Variants in HYCC1 observed in about 807,000 individuals in gnomAD.
The protein encoded by HYCC1 is hyccin.
At chr7:22,965,342 A>C in the HYCC1 span, among the ~76,000 whole-genome samples, 1 of 151,888 alleles carries the variant, frequency 6.6e-6, no homozygotes, top group Non-Finnish European at 1.5e-5. Flanking sequence ...AAAACCACAA[A>C]GGAAATAAAA....
chr7:23,002,738 G>A, the HYCC1 span, among the ~76,000 whole-genome samples: 2 of 152,158 alleles, frequency 1.3e-5, no homozygotes, highest in Admixed American at 6.5e-5. Flanking sequence ...CTACATCCAA[G>A]TATAAAAGCC....
At chr7:22,960,200 T>A in the HYCC1 span, 3 of 1,545,896 alleles carry the variant, frequency 1.9e-6, no homozygotes, top group Non-Finnish European at 1.8e-6. Flanking sequence ...ATAAGTACAG[T>A]GAAAAATGTA....
the HYCC1 span, among the ~76,000 whole-genome samples, chr7:22,995,387 A>C: frequency 6.6e-6 from 1 of 152,122 alleles, no homozygotes; most frequent in Admixed American, 6.6e-5. Context: ...AATTCCTAGA[A>C]GTCTTAATTC....
At chr7:22,980,937 A>C in the HYCC1 span, among the ~76,000 whole-genome samples, 1 of 152,180 alleles carries the variant, frequency 6.6e-6, no homozygotes, top group Non-Finnish European at 1.5e-5. Flanking sequence ...CCTCTTTATA[A>C]GTTTCTTGAA....
At chr7:23,005,747 T>C in the HYCC1 span, among the ~76,000 whole-genome samples, 1 of 152,214 alleles carries the variant, frequency 6.6e-6, no homozygotes, top group Non-Finnish European at 1.5e-5. Context: ...TTTCTGAAAC[T>C]CTACTTCTTG....
chr7:22,965,131 TAA>T, the HYCC1 span, among the ~76,000 whole-genome samples: 307 of 133,784 alleles, frequency 2.3e-3, no homozygotes, highest in Middle Eastern at 3.8e-3. Flanking sequence ...GAGATTCCAT[TAA>T]AAAAAAAAAA....
At chr7:22,983,702 G>C in the HYCC1 span, 3 of 478,926 alleles carry the variant, frequency 6.3e-6, no homozygotes, top group East Asian at 1.1e-4. Flanking sequence ...GAAATGCAGT[G>C]ACATAGACTT....
the HYCC1 span, chr7:22,945,697 G>A: frequency 1.9e-6 from 3 of 1,613,782 alleles, no homozygotes; most frequent in African/African-American, 1.3e-5. Context: ...TTTCTTCTTG[G>A]AGACTACAAG....
the HYCC1 span, among the ~76,000 whole-genome samples, chr7:22,930,088 A>T: frequency 1.3e-5 from 2 of 151,374 alleles, no homozygotes; most frequent in African/African-American, 4.9e-5. Flanking sequence ...AAACTATCGC[A>T]AGGACAAAAA....
At chr7:22,997,209 A>G in the HYCC1 span, among the ~76,000 whole-genome samples, 1 of 152,168 alleles carries the variant, frequency 6.6e-6, no homozygotes, top group African/African-American at 2.4e-5. Context: ...GTCATCAGAG[A>G]CATATAACAT....
the HYCC1 span, among the ~76,000 whole-genome samples, chr7:22,909,961 C>A: frequency 2.0e-5 from 3 of 152,132 alleles, no homozygotes; most frequent in Non-Finnish European, 2.9e-5. Context: ...ACAGAGTAGG[C>A]CTTTAGTGCA....
the HYCC1 span, among the ~76,000 whole-genome samples, chr7:22,955,864 T>A: frequency 4.0e-5 from 6 of 151,652 alleles, no homozygotes; most frequent in African/African-American, 1.5e-4. Context: ...GGAAACGACA[T>A]TTAAGAATGA....
At chr7:22,902,222 T>C in the HYCC1 span, among the ~76,000 whole-genome samples, 3 of 152,114 alleles carry the variant, frequency 2.0e-5, no homozygotes, top group Non-Finnish European at 4.4e-5. Flanking sequence ...GAAATTATGT[T>C]AAACACAATG....
At chr7:22,916,343 C>T in the HYCC1 span, among the ~76,000 whole-genome samples, 3 of 152,066 alleles carry the variant, frequency 2.0e-5, no homozygotes, top group Non-Finnish European at 4.4e-5. Flanking sequence ...CAATATTCTG[C>T]TCTAGATAAA....
At chr7:22,925,410 C>T in the HYCC1 span, among the ~76,000 whole-genome samples, 3,533 of 152,052 alleles carry the variant, frequency 0.023, 55 homozygotes, top group Non-Finnish European at 0.033. Flanking sequence ...TTCGAACCAA[C>T]GGCAAAGAAG....
chr7:22,997,447 GA>G, the HYCC1 span, among the ~76,000 whole-genome samples: 3 of 152,088 alleles, frequency 2.0e-5, no homozygotes, highest in Admixed American at 6.5e-5. Context: ...GACACATCAC[GA>G]AATTTTAAAC....
chr7:22,924,641 A>G, the HYCC1 span, among the ~76,000 whole-genome samples: 3 of 152,120 alleles, frequency 2.0e-5, no homozygotes, highest in African/African-American at 7.2e-5. Flanking sequence ...GGGGAGGGGC[A>G]CCCGCCATTG....
the HYCC1 span, among the ~76,000 whole-genome samples, chr7:22,999,786 G>C: frequency 6.6e-6 from 1 of 152,092 alleles, no homozygotes; most frequent in African/African-American, 2.4e-5. Flanking sequence ...ATTAGCAAAA[G>C]AATAGTAAAA....
chr7:22,924,759 G>T, the HYCC1 span, among the ~76,000 whole-genome samples: 1 of 152,130 alleles, frequency 6.6e-6, no homozygotes, highest in Non-Finnish European at 1.5e-5. Context: ...TCTGGGGGCA[G>T]GGCACAGACA....
Sources: allele counts gnomAD v4.1 joint callset (sites outside exome capture counted in the v4.1 genomes callset), GRCh38; gene constraint gnomAD v4.1.1; transcripts MANE v1.5; gene names NCBI Gene and HGNC (gene_info 2026-07-23, HGNC 2026-07-21).